The following STRN variants were observed in gnomAD, a reference collection of about 807,000 sequenced individuals.
STRN encodes the protein striatin.
In STRN, 53 loss-of-function variants were observed where a neutral mutation model predicts 96.3. The ratio of observed to expected loss-of-function variants is 0.55; its 90% CI spans 0.44 to 0.69. STRN has a LOEUF of 0.69. STRN is among the 30% of genes least tolerant of loss of function. The pLI is 0.00. For synonymous variants in STRN, 428 were observed against 355.9 expected (o/e 1.20, Z -2.28); for missense variants, 987 against 963.9 (o/e 1.02, Z -0.32).
At chr2:36,960,980 T>C (rs1572703744) in intron 1 of STRN, among the ~76,000 whole-genome samples, 1 of 152,070 alleles carries the variant, frequency 6.6e-6, no homozygotes, top group Non-Finnish European at 1.5e-5. Flanking sequence ...CAGTGCAGCC[T>C]TGATCTCCAG....
rs1166285388 is a variant in STRN, at chr2:36,848,772, A to G, written c.*684T>C. 3.3e-5 allele frequency: 5 copies of G among 152,516 alleles called. No individual in the cohort carries two copies. Among genetic ancestry groups the G allele is most frequent in the Non-Finnish European group, 7.4e-5 (5 of 68,020 alleles). 9.4% of individuals were successfully genotyped at this position (152,516 alleles called of 1,614,324 possible). On this transcript the variant is annotated 3_prime_UTR_variant, in exon 18 of 18. Transcript: ENST00000263918. The stretch of plus-strand genomic sequence containing the variant: ...TAGCTAAACTTTAGAATGATACCAA[A>G]TCTGTTTTCAAAACTGTAATACAAT...
chr2:36,857,881 T>G lies in STRN; in HGVS notation c.1812A>C (p.Ala604=), dbSNP rs756510729. 35 of 1,614,002 alleles carry G rather than the reference T, an allele frequency of 2.2e-5. No individual in the cohort carries two copies. In the Admixed American group the frequency reaches 5.2e-4, roughly 24 times the overall value. Residue 604 remains alanine (A), a synonymous_variant, in exon 14 of 18, where the codon GCA becomes GCC. Transcript: ENST00000263918. ...RLWNTTEVAP[A]LSVFNDTKEL... ...CTTTAGTATCATTAAATACACTTAG[T>G]GCTGGAGCAACCTCAGTTGTATTCC...
rs1212067876 is a variant in STRN at position 36,848,802 on chromosome 2, A to C, written c.*654T>G. On this transcript the variant is annotated 3_prime_UTR_variant, in exon 18 of 18. Coordinates refer to ENST00000263918, the MANE Select transcript of STRN (RefSeq NM_003162.4). ...TTTTCAAAACTGTAATACAATATAGAAATCTGCTTGCAAACTATTTGTCTA... is the reference window on the plus strand; with the variant it reads ...TTTTCAAAACTGTAATACAATATAGCAATCTGCTTGCAAACTATTTGTCTA... 6.6e-6 allele frequency: 1 copy of C among 152,630 alleles called. No homozygotes were observed. Among genetic ancestry groups the C allele is most frequent in the Non-Finnish European group, 1.5e-5 (1 of 68,036 alleles). The allele number at this position is 152,630 out of a possible 1,614,324, so 9.5% of individuals were successfully genotyped here. A position where few individuals can be genotyped will look rare whatever the true frequency, so the allele number is the denominator to read the frequency against.
In STRN at chr2:36,839,623, G is replaced by T. The variant is rs1286617470; in HGVS notation, c.*9833C>A. 6.6e-6 allele frequency among the ~76,000 whole-genome samples: 1 copy of T among 152,178 alleles called. No individual in the cohort carries two copies. Among genetic ancestry groups the T allele is most frequent in the Non-Finnish European group, 1.5e-5 (1 of 68,022 alleles). On this transcript the variant is annotated 3_prime_UTR_variant, in exon 18 of 18. Transcript: ENST00000263918. ...ATTTCATAGATGAGAAGCCAATTTA[G>T]AAGAGTTGACTTGTCTAAAATCTAA... is the stretch of plus-strand genomic sequence containing the variant.
At position 36,890,524 on chromosome 2, in the gene STRN, C is replaced by A. The variant is rs189851871; in HGVS notation, c.931+3374G>T. Among the ~76,000 whole-genome samples, 325 of 144,304 alleles carry A rather than the reference C, an allele frequency of 2.3e-3. 4 individuals carry two copies. The highest frequency in any genetic ancestry group is 8.2e-3 in the African/African-American group (317 of 38,458). The allele number at this position is 144,304 out of a possible 152,430, so 94.7% of individuals were successfully genotyped here. On this transcript the variant is annotated intron_variant, in intron 7 of 17. Transcript: ENST00000263918. ...TTTGAGACAGAGTCTCGCTCTGTCG[C>A]CCAGGCTGGAGTGCAATGGCGTCAT...
intron 12 of STRN, among the ~76,000 whole-genome samples, chr2:36,862,204 T>A (rs1322456011): frequency 1.3e-5 from 2 of 152,222 alleles, no homozygotes; most frequent in Non-Finnish European, 2.9e-5. Flanking sequence ...TCTTTGCTAC[T>A]ATGTGCTATG....
At chr2:36,908,442 T>C (rs1669877473) in intron 3 of STRN, among the ~76,000 whole-genome samples, 1 of 152,156 alleles carries the variant, frequency 6.6e-6, no homozygotes, top group African/African-American at 2.4e-5. Flanking sequence ...GGCTACAATC[T>C]GTAAGATTCT....
At chr2:36,858,264 C>T (rs1267769325) in intron 13 of STRN, among the ~76,000 whole-genome samples, 4 of 152,042 alleles carry the variant, frequency 2.6e-5, no homozygotes, top group East Asian at 3.9e-4. Flanking sequence ...CTTAAAAAAA[C>T]TGAGTATTTC....
chr2:36,866,501 G>A (rs1377733230), intron 12 of STRN, among the ~76,000 whole-genome samples: 2 of 152,340 alleles, frequency 1.3e-5, no homozygotes, highest in South Asian at 2.1e-4. Context: ...CAAATGAGAA[G>A]AATGTATATT....
rs1272890671 is a variant in STRN at position 36,844,329 on chromosome 2, A to T, written c.*5127T>A. On this transcript the variant is annotated 3_prime_UTR_variant, in exon 18 of 18. Transcript: ENST00000263918. ...ACCAAAGACTTTCTGATTGCTGATA[A>T]TAACAAATTTAGCAGCTCTCTACAA... 2 of 152,098 alleles carry T rather than the reference A, an allele frequency of 1.3e-5. No homozygotes were observed. 9.4% of individuals were successfully genotyped at this position (152,098 alleles called of 1,614,324 possible).
At chr2:36,860,190 G>A (rs1668440317) in intron 13 of STRN, among the ~76,000 whole-genome samples, 1 of 152,160 alleles carries the variant, frequency 6.6e-6, no homozygotes, top group Non-Finnish European at 1.5e-5. Context: ...AGATTAGAAT[G>A]CAGTCGCAAA....
intron 10 of STRN, among the ~76,000 whole-genome samples, chr2:36,870,452 T>A (rs1668734520): frequency 1.3e-5 from 2 of 152,178 alleles, no homozygotes; most frequent in African/African-American, 4.8e-5. Context: ...GTAGCAAAAG[T>A]ACAATCATGT....
chr2:36,950,269 G>A (rs567646761), intron 1 of STRN, among the ~76,000 whole-genome samples: 1 of 140,506 alleles, frequency 7.1e-6, no homozygotes, highest in South Asian at 2.3e-4. Context: ...AGACTGGAGT[G>A]CAGTGGCTTG....
At chr2:36,907,547 CA>C (rs943574432) in intron 3 of STRN, among the ~76,000 whole-genome samples, 55 of 133,638 alleles carry the variant, frequency 4.1e-4, no homozygotes, top group Admixed American at 6.1e-4. Context: ...GACTCTGTCT[CA>C]AAAAAAAAAA....
At chr2:36,894,103 T>A in intron 6 of STRN, 70 bp from the exon 7 acceptor site, 2 of 1,522,888 alleles carry the variant, frequency 1.3e-6, no homozygotes, top group South Asian at 1.3e-5. Context: ...GAAAATTCAA[T>A]TATTTTCTTC....
chr2:36,882,427 G>A (rs967848357), intron 9 of STRN, among the ~76,000 whole-genome samples: 2 of 152,122 alleles, frequency 1.3e-5, no homozygotes, highest in Admixed American at 1.3e-4. Context: ...AGGCTGGAGT[G>A]CAGTAGCTAT....
chr2:36,875,572 C>T (rs60594233), intron 10 of STRN, among the ~76,000 whole-genome samples: 123,572 of 141,660 alleles, frequency 0.87, 54,777 homozygotes, highest in Non-Finnish European at 0.96. Context: ...TCAAAAATTA[C>T]CAAAAAAAAA....
At chr2:36,896,390 T>A (rs756383308) in intron 6 of STRN, among the ~76,000 whole-genome samples, 2 of 152,150 alleles carry the variant, frequency 1.3e-5, no homozygotes, top group African/African-American at 4.8e-5. Context: ...GCTTTTAATG[T>A]TTGGGTAGAG....
chr2:36,933,935 C>G (rs778700433), intron 1 of STRN, among the ~76,000 whole-genome samples: 1 of 152,092 alleles, frequency 6.6e-6, no homozygotes, highest in African/African-American at 2.4e-5. Context: ...CACGGCGAAA[C>G]CCTGTCTCTA....
Sources: gnomAD v4.1 joint callset for allele counts (sites outside exome capture counted in the v4.1 genomes callset) on GRCh38, gnomAD v4.1.1 for gene constraint, MANE v1.5 for transcripts, NCBI Gene and HGNC (gene_info 2026-07-23, HGNC 2026-07-21) for gene names.